MMP16: variants seen among roughly 807,000 people sequenced by gnomAD.
The protein encoded by MMP16 is matrix metalloproteinase-16.
A neutral mutation model predicts 67.8 loss-of-function variants in MMP16; 12 were observed. That is an observed-to-expected ratio of 0.18 (90% CI 0.11 to 0.29). The LOEUF (loss-of-function observed/expected upper bound fraction) is 0.29. Among genes scored for constraint, MMP16 ranks in the 10% least tolerant of loss-of-function variants. MMP16 has a pLI of 1.00. For synonymous variants in MMP16, 249 were observed against 255.9 expected, an observed-to-expected ratio of 0.97 and a Z score of 0.26; for missense variants, 475 against 765.7, an observed-to-expected ratio of 0.62 and a Z score of 4.48.
chr8:88,293,997 G>C (rs1187795471), intron 1 of MMP16, among the ~76,000 whole-genome samples: 3 of 151,946 alleles, frequency 2.0e-5, no homozygotes, highest in African/African-American at 2.4e-5. Flanking sequence ...CCAACCATCA[G>C]TCCAATTATA....
chr8:88,171,267 C>A (rs1168085421), intron 3 of MMP16, among the ~76,000 whole-genome samples: 1 of 152,110 alleles, frequency 6.6e-6, no homozygotes, highest in East Asian at 1.9e-4. Flanking sequence ...ATACAAGATA[C>A]CTGTACACCA....
intron 7 of MMP16, among the ~76,000 whole-genome samples, chr8:88,056,514 T>C (rs867196353): frequency 6.6e-6 from 1 of 151,878 alleles, no homozygotes; most frequent in Middle Eastern, 3.4e-3. Flanking sequence ...TATAATAATA[T>C]AACCAAAATT....
At chr8:88,050,715 T>C (rs1030493973) in intron 8 of MMP16, among the ~76,000 whole-genome samples, 1 of 152,228 alleles carries the variant, frequency 6.6e-6, no homozygotes, top group African/African-American at 2.4e-5. Context: ...AATTCAAATG[T>C]TACTGCTAGT....
intron 1 of MMP16, among the ~76,000 whole-genome samples, chr8:88,323,716 A>G (rs938254489): frequency 6.6e-6 from 1 of 151,896 alleles, no homozygotes; most frequent in Non-Finnish European, 1.5e-5. Flanking sequence ...AGAGTTGACG[A>G]TATGAGAGGT....
chr8:88,151,400 C>G (rs1400979575), intron 4 of MMP16, among the ~76,000 whole-genome samples: 210 of 150,310 alleles, frequency 1.4e-3, no homozygotes, highest in Non-Finnish European at 2.0e-3. Context: ...CCCAAATCAA[C>G]AGAATATACA....
At chr8:88,266,663 T>C (rs1265191353) in intron 1 of MMP16, among the ~76,000 whole-genome samples, 1 of 152,144 alleles carries the variant, frequency 6.6e-6, no homozygotes, top group Non-Finnish European at 1.5e-5. Flanking sequence ...AGTGCAGTTC[T>C]ACTTACTGTT....
intron 6 of MMP16, among the ~76,000 whole-genome samples, chr8:88,089,145 G>A (rs1343196592): frequency 6.6e-6 from 1 of 152,030 alleles, no homozygotes; most frequent in Admixed American, 6.6e-5. Flanking sequence ...GCATAAAAGA[G>A]ATGATATGTC....
chr8:88,259,201 T>C (rs546609017), intron 1 of MMP16, among the ~76,000 whole-genome samples: 3 of 152,212 alleles, frequency 2.0e-5, no homozygotes, highest in Non-Finnish European at 4.4e-5. Context: ...GGATGCTACC[T>C]ATATATAGTA....
At chr8:88,316,244 G>A (rs148345785) in intron 1 of MMP16, among the ~76,000 whole-genome samples, 1 of 152,176 alleles carries the variant, frequency 6.6e-6, no homozygotes, top group Non-Finnish European at 1.5e-5. Flanking sequence ...ATCGATGTAG[G>A]TGGGTACCGT....
At chr8:88,180,986 C>T (rs989369439) in intron 3 of MMP16, among the ~76,000 whole-genome samples, 8 of 152,086 alleles carry the variant, frequency 5.3e-5, no homozygotes, top group Non-Finnish European at 8.8e-5. Flanking sequence ...CAAAATCCAA[C>T]GCCCATTCAC....
At chr8:88,310,055 CT>C (rs1279956278) in intron 1 of MMP16, among the ~76,000 whole-genome samples, 5 of 152,014 alleles carry the variant, frequency 3.3e-5, no homozygotes. Flanking sequence ...TGTTTTTGCT[CT>C]TTTCTAAAAA....
intron 4 of MMP16, among the ~76,000 whole-genome samples, chr8:88,166,726 T>TAG (rs1808719916): frequency 1.5e-5 from 2 of 132,228 alleles, no homozygotes; most frequent in Non-Finnish European, 1.6e-5. Context: ...TATATATATA[T>TAG]ATATTCTTAA....
At chr8:88,205,684 C>T (rs1809415179) in intron 1 of MMP16, among the ~76,000 whole-genome samples, 1 of 152,148 alleles carries the variant, frequency 6.6e-6, no homozygotes, top group Non-Finnish European at 1.5e-5. Context: ...TATTCTTTAA[C>T]AGCACTTTCT....
At chr8:88,082,131 C>T (rs778373580) in intron 6 of MMP16, among the ~76,000 whole-genome samples, 6 of 151,852 alleles carry the variant, frequency 4.0e-5, no homozygotes, top group Non-Finnish European at 8.8e-5. Flanking sequence ...CAGTAAAAGA[C>T]GTGAACAGTT....
intron 4 of MMP16, among the ~76,000 whole-genome samples, chr8:88,153,286 C>G (rs1160878581): frequency 6.6e-6 from 1 of 152,114 alleles, no homozygotes; most frequent in Non-Finnish European, 1.5e-5. Context: ...AATGGCCATA[C>G]TGCCCAAGGT....
chr8:88,148,528 T>C (rs1299432472), intron 4 of MMP16, among the ~76,000 whole-genome samples: 1 of 152,176 alleles, frequency 6.6e-6, no homozygotes, highest in Non-Finnish European at 1.5e-5. Flanking sequence ...CACATCCAAG[T>C]GCAGTATTTT....
chr8:88,282,523 A>C (rs1262010864), intron 1 of MMP16, among the ~76,000 whole-genome samples: 1 of 152,238 alleles, frequency 6.6e-6, no homozygotes, highest in African/African-American at 2.4e-5. Context: ...CCTCTTTTGC[A>C]ATGTAGATAG....
intron 6 of MMP16, among the ~76,000 whole-genome samples, chr8:88,087,134 T>C (rs1384057469): frequency 1.3e-5 from 2 of 151,870 alleles, no homozygotes; most frequent in Non-Finnish European, 2.9e-5. Context: ...AGTCCTAAAC[T>C]GGCCTATAGT....
rs536865577 is a variant in MMP16 at position 88,272,917 on chromosome 8, A to T, written c.132+54158T>A. 2.6e-4 allele frequency among the ~76,000 whole-genome samples: 39 copies of T among 152,222 alleles called. 1 individual carries two copies. The highest frequency in any genetic ancestry group is 1.9e-4 in the East Asian group (1 of 5,168). On this transcript the variant is annotated intron_variant, in intron 1 of 9. Coordinates refer to ENST00000286614, the MANE Select transcript of MMP16 (RefSeq NM_005941.5). Reference sequence around the variant, plus strand: ...GACTGTTAAGAATTAAAATTCTATGATTCTGTCATTTTAGCCAAATCAAAG... The same window carrying T: ...GACTGTTAAGAATTAAAATTCTATGTTTCTGTCATTTTAGCCAAATCAAAG...
Sources: allele counts gnomAD v4.1 joint callset (sites outside exome capture counted in the v4.1 genomes callset), GRCh38; gene constraint gnomAD v4.1.1; transcripts MANE v1.5; gene names NCBI Gene and HGNC (gene_info 2026-07-23, HGNC 2026-07-21).